CHD6: variants seen among roughly 807,000 people sequenced by gnomAD.
The protein encoded by CHD6 is chromodomain helicase DNA binding protein 6.
Under a neutral mutation model 276.9 loss-of-function variants are expected in CHD6, and 50 were observed. The observed-to-expected ratio is 0.18, with a 90% CI of 0.14 to 0.23. CHD6 has a LOEUF of 0.23. CHD6 is among the 10% of genes least tolerant of loss of function. The pLI is 1.00. For missense variants in CHD6, 2,564 were observed against 3,365.8 expected, an observed-to-expected ratio of 0.76 and a Z score of 5.89; for synonymous variants, 1,173 against 1,229.3, an observed-to-expected ratio of 0.95 and a Z score of 0.96.
intron 17 of CHD6, among the ~76,000 whole-genome samples, chr20:41,463,044 A>C (rs2042839321): frequency 6.6e-6 from 1 of 152,240 alleles, no homozygotes; most frequent in Non-Finnish European, 1.5e-5. Context: ...AATTACTCAA[A>C]GAACGAGGGA....
At chr20:41,602,020 A>G (rs1037592231) in intron 1 of CHD6, among the ~76,000 whole-genome samples, 1 of 152,118 alleles carries the variant, frequency 6.6e-6, no homozygotes, top group African/African-American at 2.4e-5. Context: ...ACAACCCAAC[A>G]AAGCAAAGCT....
chr20:41,488,491 A>G lies in CHD6; in HGVS notation c.1794T>C (p.Asp598=). The G allele has an allele frequency of 6.2e-7, 1 of 1,613,970 alleles. No individual in the cohort carries two copies. Among genetic ancestry groups the G allele is most frequent in the Non-Finnish European group, 8.5e-7 (1 of 1,179,886 alleles). ...TCCTATTCTTCAGTCTGTGGGCTTC[A>G]TCAATTATCACACAGCTCCAGTGAA... ...KKIHWSCVII[D]EAHRLKNRNC... is the part of the protein sequence containing the mutation. The change falls in exon 13 of 37, where the codon GAT becomes GAC. Residue 598 remains aspartate, a synonymous_variant. Transcript: ENST00000373233.
chr20:41,417,715 T>C (rs1205677530), intron 31 of CHD6, among the ~76,000 whole-genome samples: 1 of 152,278 alleles, frequency 6.6e-6, no homozygotes, highest in Non-Finnish European at 1.5e-5. Context: ...TTCTAACACT[T>C]TGAGATCTTT....
Position 41,404,803 on chromosome 20 carries a change from T to G in CHD6, c.7938A>C (p.Glu2646Asp), listed in dbSNP as rs2046622710. ...TCTTCTGGCTCTCCAGACCTACTAT[T>G]TCCGAGTGTCTGGCCTGCTGCATGG... ...LPAMQQARHS[E>D]IVGLESQKRK... Residue 2646 changes from glutamate to aspartate, a missense_variant, in exon 37 of 37, where the codon GAA becomes GAC. Physicochemically the swap from Glu to Asp is conservative, Grantham distance 45 (BLOSUM62 2). Around this residue, in one of 7 missense-constraint regions of CHD6, gnomAD observed 238 missense variants for 266.0 expected, o/e 0.89. Transcript: ENST00000373233. The G allele has an allele frequency of 2.0e-5, 32 of 1,613,370 alleles. No individual in the cohort carries two copies. The highest frequency in any genetic ancestry group is 2.6e-5 in the Non-Finnish European group (31 of 1,179,668).
At chr20:41,597,085 A>G (rs1015561475) in intron 1 of CHD6, among the ~76,000 whole-genome samples, 1 of 152,196 alleles carries the variant, frequency 6.6e-6, no homozygotes, top group African/African-American at 2.4e-5. Flanking sequence ...GGAGAGAAAG[A>G]GGGCAAAACA....
At chr20:41,607,952 G>C (rs1451412360) in intron 1 of CHD6, among the ~76,000 whole-genome samples, 1 of 152,134 alleles carries the variant, frequency 6.6e-6, no homozygotes, top group Admixed American at 6.6e-5. Context: ...CCAATTTCAA[G>C]GTGTGAGAGA....
At chr20:41,551,503 C>T in intron 1 of CHD6, 143 bp from the exon 2 acceptor site, 3 of 553,958 alleles carry the variant, frequency 5.4e-6, no homozygotes, top group Middle Eastern at 4.9e-4. Flanking sequence ...ACCTCCAGAG[C>T]CGTAAGTGTA....
intron 5 of CHD6, 48 bp from the exon 6 acceptor site, chr20:41,499,405 C>T (rs2043777718): frequency 7.0e-7 from 1 of 1,424,746 alleles, no homozygotes; most frequent in Admixed American, 2.1e-5. Flanking sequence ...ACCACAGAAT[C>T]CAAGAAAACA....
chr20:41,577,759 G>C (rs1291168327), intron 1 of CHD6, among the ~76,000 whole-genome samples: 3 of 152,206 alleles, frequency 2.0e-5, no homozygotes, highest in Non-Finnish European at 2.9e-5. Flanking sequence ...TCTAGTAATA[G>C]AGACACTAGA....
At chr20:41,453,067 G>A in intron 20 of CHD6, 125 bp from the exon 21 acceptor site, 1 of 712,496 alleles carries the variant, frequency 1.4e-6, no homozygotes, top group Non-Finnish European at 2.4e-6. Flanking sequence ...CAGCACGAAG[G>A]GCTATTCCCA....
intron 1 of CHD6, among the ~76,000 whole-genome samples, chr20:41,591,926 C>T (rs1414853746): frequency 1.3e-5 from 2 of 151,998 alleles, no homozygotes; most frequent in South Asian, 2.1e-4. Flanking sequence ...AGTGAAACCC[C>T]GTCTCTACTA....
At chr20:41,532,572 G>A (rs1379399677) in intron 3 of CHD6, among the ~76,000 whole-genome samples, 1 of 152,150 alleles carries the variant, frequency 6.6e-6, no homozygotes, top group Non-Finnish European at 1.5e-5. Flanking sequence ...AGTCCAAAAG[G>A]AATGGCAAGA....
At chr20:41,490,899 T>C (rs11906438) in intron 11 of CHD6, among the ~76,000 whole-genome samples, 259 of 152,272 alleles carry the variant, frequency 1.7e-3, no homozygotes, top group African/African-American at 6.0e-3. Flanking sequence ...CACATTTACC[T>C]ATGTAACAAA....
In CHD6 at chr20:41,402,613, G is replaced by A. The variant is rs1168468759; in HGVS notation, c.*1980C>T. On this transcript the variant is annotated 3_prime_UTR_variant, in exon 37 of 37. Transcript: ENST00000373233. ...AGATACAGGAATTTTTATAGCATTT[G>A]TATTTTAAGGATTTAGGGCAAATAC... The A allele has an allele frequency of 4.5e-6, 1 of 224,354 alleles. No homozygotes were observed. Among genetic ancestry groups the A allele is most frequent in the Non-Finnish European group, 8.9e-6 (1 of 112,628 alleles). The allele number at this position is 224,354 out of a possible 1,614,324, so 13.9% of individuals were successfully genotyped here. A position where few individuals can be genotyped will look rare whatever the true frequency, so the allele number is the denominator to read the frequency against.
At chr20:41,483,227 A>T (rs1600975270) in intron 16 of CHD6, 82 bp downstream of exon 16, 1 of 1,323,932 alleles carries the variant, frequency 7.6e-7, no homozygotes, top group East Asian at 2.4e-5. Context: ...GTGTTTAAAC[A>T]AAATTTTTGA....
At chr20:41,459,637 C>G (rs902206738) in intron 17 of CHD6, among the ~76,000 whole-genome samples, 2 of 152,204 alleles carry the variant, frequency 1.3e-5, no homozygotes, top group African/African-American at 2.4e-5. Context: ...ACTTTTGCTT[C>G]TTCCTCATTT....
chr20:41,497,569 A>G (rs1381742345), intron 7 of CHD6, 68 bp from the exon 8 acceptor site: 4 of 1,030,886 alleles, frequency 3.9e-6, no homozygotes, highest in Non-Finnish European at 6.2e-6. Flanking sequence ...TAAGGTGTTC[A>G]ATAAACACGG....
intron 3 of CHD6, among the ~76,000 whole-genome samples, chr20:41,521,633 A>T (rs533464472): frequency 2.6e-5 from 4 of 152,132 alleles, no homozygotes; most frequent in Non-Finnish European, 4.4e-5. Context: ...CCTAGTTTTG[A>T]CAACAGAAAG....
intron 31 of CHD6, among the ~76,000 whole-genome samples, chr20:41,418,281 T>C (rs1401379819): frequency 2.0e-5 from 3 of 152,018 alleles, no homozygotes; most frequent in African/African-American, 7.2e-5. Context: ...CTGTGATAAG[T>C]ACTATCAAGG....
Sources: allele counts gnomAD v4.1 joint callset (sites outside exome capture counted in the v4.1 genomes callset), GRCh38; gene constraint gnomAD v4.1.1; regional missense constraint gnomAD v4.1.1; transcripts MANE v1.5; gene names NCBI Gene and HGNC (gene_info 2026-07-23, HGNC 2026-07-21).